Variants in ARHGEF28 observed in about 807,000 individuals in gnomAD.
The protein encoded by ARHGEF28 is 190 kDa guanine nucleotide exchange factor.
Under a neutral mutation model 206.6 loss-of-function variants are expected in ARHGEF28, and 152 were observed. The observed-to-expected ratio is 0.74, with a 90% CI of 0.64 to 0.84. The LOEUF (loss-of-function observed/expected upper bound fraction) is 0.84, where lower values mean the gene tolerates loss of function less well. Ranked by LOEUF, ARHGEF28 falls within the 40% of genes least tolerant of loss-of-function variation. The pLI is 0.00. For synonymous variants in ARHGEF28, 763 were observed against 776.4 expected, an observed-to-expected ratio of 0.98 and a Z score of 0.29; for missense variants, 2,028 against 2,073.2, an observed-to-expected ratio of 0.98 and a Z score of 0.42.
intron 35 of ARHGEF28, among the ~76,000 whole-genome samples, chr5:73,925,897 A>C (rs1763772693): frequency 6.6e-6 from 1 of 152,228 alleles, no homozygotes; most frequent in African/African-American, 2.4e-5. Context: ...GTCTGAATAA[A>C]GCTGCTATAA....
chr5:73,900,261 A>G (rs942015905), intron 30 of ARHGEF28: 6 of 152,270 alleles, frequency 3.9e-5, no homozygotes, highest in African/African-American at 1.4e-4. Context: ...TTAAAAAGAC[A>G]CAATAAAAAT....
rs898893465 is a variant in ARHGEF28 at position 73,884,403 on chromosome 5, C to A, written c.3055+519C>A. On this transcript the variant is annotated intron_variant, in intron 24 of 35. Transcript: ENST00000513042. Reference sequence around the variant, plus strand: ...CTGGTCTGTAAGCTCCTTGTGGGATCTATAAGACCTGTGTCTGTCTGGTTT... The same window carrying A: ...CTGGTCTGTAAGCTCCTTGTGGGATATATAAGACCTGTGTCTGTCTGGTTT... 1.7e-4 allele frequency among the ~76,000 whole-genome samples: 26 copies of A among 152,188 alleles called. 1 individual carries two copies. Among genetic ancestry groups the A allele is most frequent in the Non-Finnish European group, 2.8e-4 (19 of 68,028 alleles).
rs79491134 is a variant in ARHGEF28, at chr5:73,935,973, G to A, written c.4949-4871G>A. ...TGCAGCCCTGGGCTTCTGGGTGCCT[G>A]GCCATGGGGTGCACTGGTGAGCTAA... On this transcript the variant is annotated intron_variant, in intron 35 of 35. Coordinates refer to ENST00000513042, the MANE Select transcript of ARHGEF28 (RefSeq NM_001177693.2). Among the ~76,000 whole-genome samples, 9 of 152,272 alleles carry A rather than the reference G, an allele frequency of 5.9e-5. No homozygotes were observed. The East Asian group carries it at 1.7e-3, about 29-fold the overall frequency.
Position 73,897,952 on chromosome 5 carries a change from T to C in ARHGEF28, c.3842-10T>C. On this transcript the variant is annotated splice_polypyrimidine_tract_variant and intron_variant, in intron 29 of 35. Transcript: ENST00000513042. Reference sequence around the variant, plus strand: ...TTTTTTAGATTTATTTTTGTTTTTCTCCATCTTAGCTGAGAGCCTACAAGT... The same window carrying C: ...TTTTTTAGATTTATTTTTGTTTTTCCCCATCTTAGCTGAGAGCCTACAAGT... 2 of 1,557,698 alleles carry C rather than the reference T, an allele frequency of 1.3e-6. No homozygotes were observed. The highest frequency in any genetic ancestry group is 1.7e-6 in the Non-Finnish European group (2 of 1,149,732).
intron 2 of ARHGEF28, among the ~76,000 whole-genome samples, chr5:73,697,428 A>G (rs752234747): frequency 2.0e-5 from 3 of 152,224 alleles, no homozygotes; most frequent in Non-Finnish European, 4.4e-5. Flanking sequence ...TGTATATCTT[A>G]TAGAACTAGA....
At chr5:73,698,279 C>G (rs1748343860) in intron 2 of ARHGEF28, among the ~76,000 whole-genome samples, 2 of 152,084 alleles carry the variant, frequency 1.3e-5, no homozygotes, top group Admixed American at 1.3e-4. Context: ...ATACCCCACC[C>G]CTTACCCTGC....
chr5:73,911,333 A>G lies in ARHGEF28; in HGVS notation c.4706A>G (p.Glu1569Gly), dbSNP rs775261392. The G allele has an allele frequency of 1.2e-6, 2 of 1,611,822 alleles. No homozygotes were observed. Among genetic ancestry groups the G allele is most frequent in the Non-Finnish European group, 1.7e-6 (2 of 1,178,856 alleles). The change falls in exon 35 of 36, where the codon GAA becomes GGA. Residue 1569 changes from glutamate to glycine, a missense_variant. This residue lies in a region of ARHGEF28 where 803 missense variants were observed against 768.0 expected (regional missense o/e 1.05). Transcript: ENST00000513042. ...LCHENSFFIN[E>G]ALVQMSFNTF... The stretch of plus-strand genomic sequence containing the variant: ...CATGAAAACTCATTCTTCATCAATG[A>G]AGCTTTAGTACAAATGTCATTTAAC...
intron 2 of ARHGEF28, among the ~76,000 whole-genome samples, chr5:73,711,906 C>T (rs1484157219): frequency 6.6e-6 from 1 of 151,224 alleles, no homozygotes; most frequent in East Asian, 1.9e-4. Context: ...TAGTCTCTCA[C>T]TGTTAAGTAT....
At position 73,794,404 on chromosome 5, in the gene ARHGEF28, A is replaced by G. The variant is rs1260665167; in HGVS notation, c.913A>G (p.Ile305Val). ...PSSGAETEEE[I>V]KNSVSSRSAA... ...CCTGATAATTATTTCTTTTGCAGAG[A>G]TTAAGAATTCAGTGTCCAGCAGATC... Residue 305 changes from isoleucine (I) to valine (V), a missense_variant and splice_region_variant, in exon 8 of 36, where the codon ATT becomes GTT. Coordinates refer to ENST00000513042, the MANE Select transcript of ARHGEF28 (RefSeq NM_001177693.2). 3.8e-6 allele frequency: 6 copies of G among 1,598,360 alleles called. No homozygotes were observed. Among genetic ancestry groups the G allele is most frequent in the South Asian group, 3.4e-5 (3 of 87,868 alleles).
chr5:73,878,135 T>G (rs1375033361), intron 22 of ARHGEF28, among the ~76,000 whole-genome samples: 2 of 152,046 alleles, frequency 1.3e-5, no homozygotes, highest in East Asian at 3.8e-4. Context: ...ATATTTAGGA[T>G]AGTTAGCTCT....
intron 21 of ARHGEF28, 76 bp from the exon 22 acceptor site, chr5:73,872,921 TGA>T: frequency 6.6e-7 from 1 of 1,509,704 alleles, no homozygotes; most frequent in Non-Finnish European, 9.0e-7. Context: ...CATATAGTGT[TGA>T]GTTACTAATT....
At chr5:73,893,397 C>A in intron 28 of ARHGEF28, 109 bp downstream of exon 28, 1 of 773,878 alleles carries the variant, frequency 1.3e-6, no homozygotes, top group South Asian at 4.3e-5. Context: ...TCCTGTGCAC[C>A]TGAGGCCCAC....
chr5:73,868,451 G>A (rs1759855903), intron 20 of ARHGEF28, among the ~76,000 whole-genome samples: 1 of 152,054 alleles, frequency 6.6e-6, no homozygotes, highest in Non-Finnish European at 1.5e-5. Context: ...ATTTTAAATA[G>A]ACATATTACT....
At chr5:73,743,004 G>A (rs1243349145) in intron 2 of ARHGEF28, among the ~76,000 whole-genome samples, 6 of 151,958 alleles carry the variant, frequency 3.9e-5, no homozygotes, top group Non-Finnish European at 8.8e-5. Context: ...CACAAAATAT[G>A]TAATTTTATA....
intron 1 of ARHGEF28, among the ~76,000 whole-genome samples, chr5:73,643,022 T>C (rs1744222366): frequency 6.6e-6 from 1 of 152,250 alleles, no homozygotes; most frequent in Non-Finnish European, 1.5e-5. Context: ...GTCCCACACA[T>C]GCTATGAGTA....
At chr5:73,840,377 C>T in intron 10 of ARHGEF28, 103 bp from the exon 11 acceptor site, 1 of 1,204,358 alleles carries the variant, frequency 8.3e-7, no homozygotes, top group Non-Finnish European at 1.2e-6. Context: ...GGCCTCCTAC[C>T]ACGCCTGGCC....
intron 9 of ARHGEF28, among the ~76,000 whole-genome samples, chr5:73,816,423 G>C (rs542998119): frequency 1.3e-5 from 2 of 152,106 alleles, no homozygotes; most frequent in African/African-American, 4.8e-5. Context: ...TCATATGTAG[G>C]TTCAAGTCAC....
intron 1 of ARHGEF28, among the ~76,000 whole-genome samples, chr5:73,677,377 T>A (rs1481867094): frequency 6.6e-6 from 1 of 152,168 alleles, no homozygotes; most frequent in African/African-American, 2.4e-5. Context: ...GGTGCCTGAG[T>A]ATTACCTGTT....
At chr5:73,888,286 T>G (rs1166587357) in intron 26 of ARHGEF28, among the ~76,000 whole-genome samples, 1 of 152,226 alleles carries the variant, frequency 6.6e-6, no homozygotes, top group Non-Finnish European at 1.5e-5. Flanking sequence ...TATGAAACTA[T>G]TTTTGTAGTG....
Sources: gnomAD v4.1 joint callset for allele counts (sites outside exome capture counted in the v4.1 genomes callset) on GRCh38, gnomAD v4.1.1 for gene constraint, gnomAD v4.1.1 regional missense constraint, MANE v1.5 for transcripts, NCBI Gene and HGNC (gene_info 2026-07-23, HGNC 2026-07-21) for gene names.